The following DPF3 variants were observed in gnomAD, a reference collection of about 807,000 sequenced individuals.
DPF3 encodes double PHD fingers 3.
In DPF3, 18 loss-of-function variants were observed where a neutral mutation model predicts 56.8. The ratio of observed to expected loss-of-function variants is 0.32; its 90% CI spans 0.22 to 0.47. The LOEUF (loss-of-function observed/expected upper bound fraction) is 0.47. DPF3 is among the 20% of genes least tolerant of loss of function. DPF3 has a pLI of 1.00. For missense variants in DPF3, 403 were observed against 488.8 expected, an observed-to-expected ratio of 0.82 and a Z score of 1.65; for synonymous variants, 188 against 180.2, an observed-to-expected ratio of 1.04 and a Z score of -0.35.
At chr14:72,701,687 A>G (rs1344704684) in intron 6 of DPF3, among the ~76,000 whole-genome samples, 2 of 152,186 alleles carry the variant, frequency 1.3e-5, no homozygotes, top group African/African-American at 2.4e-5. Flanking sequence ...GCACATTTTC[A>G]TCAGCCCAAC....
chr14:72,791,569 C>G (rs1892433028), intron 1 of DPF3, among the ~76,000 whole-genome samples: 1 of 152,196 alleles, frequency 6.6e-6, no homozygotes, highest in South Asian at 2.1e-4. Context: ...GGAGCTTCCC[C>G]CTGTGCGGGG....
chr14:72,838,906 T>TATATATATATATATATATA (rs375598670), intron 1 of DPF3, among the ~76,000 whole-genome samples: 1,538 of 86,130 alleles, frequency 0.018, 136 homozygotes, highest in East Asian at 0.033. Context: ...ATCATATATA[T>TATATATATATATATATATA]TCTTTTTTTT....
chr14:72,842,956 G>C (rs1311491423), intron 1 of DPF3, among the ~76,000 whole-genome samples: 1 of 152,096 alleles, frequency 6.6e-6, no homozygotes, highest in Non-Finnish European at 1.5e-5. Flanking sequence ...CCAGGAGGCA[G>C]AGGTTGCAGT....
At chr14:72,799,646 T>C (rs1325879770) in intron 1 of DPF3, among the ~76,000 whole-genome samples, 2 of 151,896 alleles carry the variant, frequency 1.3e-5, no homozygotes, top group African/African-American at 2.4e-5. Flanking sequence ...TATGTATATA[T>C]ATATATATGA....
chr14:72,751,154 C>A (rs1890557000), intron 3 of DPF3, among the ~76,000 whole-genome samples: 2 of 152,028 alleles, frequency 1.3e-5, no homozygotes, highest in African/African-American at 4.8e-5. Context: ...GCAACTACTG[C>A]ACACCAGACT....
At chr14:72,628,883 A>C (rs1885000464) in intron 9 of DPF3, among the ~76,000 whole-genome samples, 1 of 152,236 alleles carries the variant, frequency 6.6e-6, no homozygotes, top group African/African-American at 2.4e-5. Context: ...AAAGAGAATA[A>C]GATGGAGGGA....
At chr14:72,798,254 CAAAAAAAAAAAAA>C (rs35648169) in intron 1 of DPF3, among the ~76,000 whole-genome samples, 18 of 53,946 alleles carry the variant, frequency 3.3e-4, no homozygotes, top group East Asian at 1.6e-3. Flanking sequence ...GCCTTCATCT[CAAAAAAAAAAAAA>C]AAAAAAAAAA....
intron 2 of DPF3, among the ~76,000 whole-genome samples, chr14:72,756,864 GAAA>G (rs879828496): frequency 0.075 from 8,037 of 107,044 alleles, 389 homozygotes; most frequent in Non-Finnish European, 0.081. Flanking sequence ...AAGAAAGAAA[GAAA>G]GAAAGGAAGG....
chr14:72,797,349 G>A (rs1158484356), intron 1 of DPF3, among the ~76,000 whole-genome samples: 2 of 152,172 alleles, frequency 1.3e-5, no homozygotes, highest in Non-Finnish European at 2.9e-5. Context: ...GGAATAGTAA[G>A]CAAAATAAAT....
intron 3 of DPF3, chr14:72,742,521 A>T (rs143653403): frequency 1.3e-5 from 2 of 152,542 alleles, no homozygotes; most frequent in African/African-American, 4.8e-5. Flanking sequence ...TCTGAAGAGC[A>T]CACGGCAGAG....
intron 1 of DPF3, among the ~76,000 whole-genome samples, chr14:72,792,703 A>G (rs1892490470): frequency 1.3e-5 from 2 of 151,620 alleles, no homozygotes; most frequent in Admixed American, 6.6e-5. Flanking sequence ...CACCCCTCCC[A>G]GCGAAGTCCC....
chr14:72,714,314 G>C, intron 6 of DPF3, 109 bp downstream of exon 6: 1 of 1,363,714 alleles, frequency 7.3e-7, no homozygotes. Context: ...AGAGGAAGAG[G>C]AGAGCACACA....
chr14:72,656,142 C>A (rs141078055), intron 8 of DPF3, among the ~76,000 whole-genome samples: 1 of 152,216 alleles, frequency 6.6e-6, no homozygotes, highest in Non-Finnish European at 1.5e-5. Flanking sequence ...CCCAAATCCA[C>A]AAACCTTTCC....
At chr14:72,715,028 G>A (rs972670021) in intron 5 of DPF3, among the ~76,000 whole-genome samples, 11 of 152,178 alleles carry the variant, frequency 7.2e-5, no homozygotes, top group Non-Finnish European at 1.0e-4. Context: ...CCGCAGTGTC[G>A]CAAGAGCCAG....
intron 3 of DPF3, among the ~76,000 whole-genome samples, chr14:72,743,352 C>T (rs1318835838): frequency 6.6e-6 from 1 of 152,066 alleles, no homozygotes; most frequent in Non-Finnish European, 1.5e-5. Flanking sequence ...ATGGCAGCAG[C>T]TCCAGCAGGC....
chr14:72,810,879 G>A (rs1883015698), intron 1 of DPF3, among the ~76,000 whole-genome samples: 1 of 152,202 alleles, frequency 6.6e-6, no homozygotes, highest in African/African-American at 2.4e-5. Context: ...TAATCTTACA[G>A]GACTAGTGAG....
intron 3 of DPF3, among the ~76,000 whole-genome samples, chr14:72,741,029 GC>G (rs1890102173): frequency 6.6e-6 from 1 of 152,058 alleles, no homozygotes; most frequent in African/African-American, 2.4e-5. Context: ...ACACAGCAAG[GC>G]CCGTCTCTAA....
At chr14:72,832,864 C>A (rs1178240655) in intron 1 of DPF3, among the ~76,000 whole-genome samples, 1 of 152,144 alleles carries the variant, frequency 6.6e-6, no homozygotes, top group Non-Finnish European at 1.5e-5. Context: ...TAGCAGGGCA[C>A]TCAAGGCATG....
At chr14:72,764,247 A>G (rs1237636037) in intron 2 of DPF3, among the ~76,000 whole-genome samples, 4 of 152,160 alleles carry the variant, frequency 2.6e-5, no homozygotes, top group Non-Finnish European at 5.9e-5. Flanking sequence ...CAATGATTTA[A>G]TCAACCATTC....
Sources: gnomAD v4.1 joint callset for allele counts (sites outside exome capture counted in the v4.1 genomes callset) on GRCh38, gnomAD v4.1.1 for gene constraint, MANE v1.5 for transcripts, NCBI Gene and HGNC (gene_info 2026-07-23, HGNC 2026-07-21) for gene names.